Variants in ZNF717 observed in about 807,000 individuals in gnomAD.
ZNF717 encodes zinc finger protein 717.
ZNF717 carries 9 observed loss-of-function variants against 13.8 expected under a neutral mutation model. That is an observed-to-expected ratio of 0.65 (90% confidence interval 0.39 to 1.14). ZNF717 has a LOEUF of 1.14. Among genes scored for constraint, ZNF717 ranks in the 50% most tolerant of loss-of-function variants. The pLI, the probability that ZNF717 is intolerant of heterozygous loss-of-function variation, is 0.01. For missense variants in ZNF717, 1,040 were observed against 1,080.7 expected (o/e 0.96, Z 0.53); for synonymous variants, 327 against 364.1 (o/e 0.90, Z 1.16).
Position 75,720,713 on chromosome 3 carries a change from T to G in ZNF717, n.545-4172A>C, listed in dbSNP as rs1211434172. On this transcript the variant is annotated intron_variant and non_coding_transcript_variant, in intron 4 of 5. Coordinates refer to the ZNF717 transcript ENST00000491507. ...AAAATAATTATTAAGTTGGGCACAG[T>G]GGCTCATATTTGTAAACCCAGTGCT... Among the ~76,000 whole-genome samples, 7 of 152,358 alleles carry G rather than the reference T, an allele frequency of 4.6e-5. No homozygotes were observed. In the East Asian group the frequency reaches 1.3e-3, roughly 29 times the overall value.
At chr3:75,730,370 G>T in exon 6 of ZNF717, 1 of 387,854 alleles carries the variant, frequency 2.6e-6, no homozygotes, top group Non-Finnish European at 4.6e-6. Flanking sequence ...AAAAAAAGTA[G>T]AAACAGGATT....
chr3:75,730,331 T>C lies in ZNF717; in HGVS notation c.*282A>G, dbSNP rs1320441829. 7.2e-4 allele frequency: 216 copies of C among 298,940 alleles called. 1 individual carries two copies. Among genetic ancestry groups the C allele is most frequent in the African/African-American group, 4.5e-3 (200 of 44,356 alleles). The allele number at this position is 298,940 out of a possible 1,614,324, so 18.5% of individuals were successfully genotyped here. A position where few individuals can be genotyped will look rare whatever the true frequency, so the allele number is the denominator to read the frequency against. On this transcript the variant is annotated 3_prime_UTR_variant, in exon 6 of 6. Coordinates refer to the ZNF717 transcript ENST00000477374. ...ACATCAGGAGATGGAGCAGTGAGAA[T>C]ACAGAATAGGGAAGCAATAGTTAAA... is the stretch of plus-strand genomic sequence containing the variant.
At chr3:75,719,311 A>G (rs1327094037) in intron 4 of ZNF717, among the ~76,000 whole-genome samples, 1 of 152,054 alleles carries the variant, frequency 6.6e-6, no homozygotes, top group African/African-American at 2.4e-5. Context: ...ATATTAAAAC[A>G]GATACTGTGG....
At chr3:75,783,182 T>G (rs1409760955) in intron 2 of ZNF717, 124 bp downstream of exon 2, 2 of 758,412 alleles carry the variant, frequency 2.6e-6, no homozygotes, top group Non-Finnish European at 4.5e-6. Flanking sequence ...AGCTTTATCT[T>G]ATTTATGTAT....
At chr3:75,753,964 AG>A in intron 2 of ZNF717, among the ~76,000 whole-genome samples, 1 of 151,764 alleles carries the variant, frequency 6.6e-6, no homozygotes, top group Non-Finnish European at 1.5e-5. Flanking sequence ...CACGGCTACG[AG>A]GGTCTGAATG....
intron 2 of ZNF717, among the ~76,000 whole-genome samples, chr3:75,743,486 G>T (rs75406333): frequency 1.4e-5 from 2 of 139,670 alleles, no homozygotes; most frequent in Admixed American, 1.5e-4. Flanking sequence ...TCCACCCAGG[G>T]TGAACACAGC....
chr3:75,782,154 TCA>T (rs1166277319), intron 2 of ZNF717, among the ~76,000 whole-genome samples: 2 of 152,020 alleles, frequency 1.3e-5, no homozygotes, highest in East Asian at 1.9e-4. Context: ...AGTAAGGCAA[TCA>T]CAGTCCCCCT....
At chr3:75,776,007 T>G (rs1248192275) in intron 2 of ZNF717, among the ~76,000 whole-genome samples, 2 of 152,282 alleles carry the variant, frequency 1.3e-5, no homozygotes, top group Non-Finnish European at 2.9e-5. Context: ...AGACATATAA[T>G]TTAAATAAAC....
intron 2 of ZNF717, among the ~76,000 whole-genome samples, chr3:75,749,720 G>T (rs1280955980): frequency 6.6e-6 from 1 of 151,394 alleles, no homozygotes; most frequent in African/African-American, 2.4e-5. Context: ...ACACTGCCAT[G>T]AGGGCCTGAA....
intron 3 of ZNF717, 80 bp from the exon 4 acceptor site, chr3:75,741,448 G>A (rs2107189341): frequency 7.3e-7 from 1 of 1,378,350 alleles, no homozygotes; most frequent in South Asian, 1.2e-5. Flanking sequence ...TGGGCTTCAG[G>A]GACTGTGCAA....
At chr3:75,717,993 C>A in intron 4 of ZNF717, among the ~76,000 whole-genome samples, 1 of 152,126 alleles carries the variant, frequency 6.6e-6, no homozygotes, top group Non-Finnish European at 1.5e-5. Context: ...AGACTGGAAG[C>A]ATTGGTCAAG....
intron 4 of ZNF717, among the ~76,000 whole-genome samples, chr3:75,739,801 T>C (rs1214722904): frequency 1.2e-4 from 18 of 152,250 alleles, no homozygotes; most frequent in Admixed American, 1.1e-3. Flanking sequence ...GATGGCCATT[T>C]TTCTGTCTCC....
In ZNF717 at chr3:75,757,117, G is replaced by A. The variant is rs377757403; in HGVS notation, c.58-15381C>T. 3.1e-5 allele frequency among the ~76,000 whole-genome samples: 4 copies of A among 129,990 alleles called. No individual in the cohort carries two copies. In the East Asian group the frequency reaches 9.0e-4, roughly 29 times the overall value. The allele number at this position is 129,990 out of a possible 152,430, so 85.3% of individuals were successfully genotyped here. On this transcript the variant is annotated intron_variant, in intron 2 of 4. Transcript: ENST00000652011. Reference sequence around the variant, plus strand: ...AGTGCAAGATAAAGCAGCAAGTACTGATGGAAAAGCTGCAGAAAGCTATCT... The same window carrying A: ...AGTGCAAGATAAAGCAGCAAGTACTAATGGAAAAGCTGCAGAAAGCTATCT...
chr3:75,756,734 G>A (rs2107506593), intron 2 of ZNF717, among the ~76,000 whole-genome samples: 1 of 152,200 alleles, frequency 6.6e-6, no homozygotes, highest in Non-Finnish European at 1.5e-5. Flanking sequence ...GAGTGCAATG[G>A]CGCGATCTCG....
At chr3:75,697,236 T>G (rs1263409478) in intron 6 of ZNF717, among the ~76,000 whole-genome samples, 1 of 91,238 alleles carries the variant, frequency 1.1e-5, no homozygotes, top group Non-Finnish European at 2.5e-5. Context: ...GAAGTCAAAT[T>G]ATCTTTTTTT....
At chr3:75,758,112 C>CAAA (rs111361124) in intron 2 of ZNF717, among the ~76,000 whole-genome samples, 75 of 64,416 alleles carry the variant, frequency 1.2e-3, no homozygotes, top group Non-Finnish European at 1.4e-3. Context: ...GACTCCATCT[C>CAAA]AAAAAAAAAA....
At chr3:75,711,430 AAC>A (rs1937935140) in intron 5 of ZNF717, 1 of 144,070 alleles carries the variant, frequency 6.9e-6, no homozygotes, top group Admixed American at 7.1e-5. Context: ...AATCTTGATT[AAC>A]AGTTTTATAA....
intron 2 of ZNF717, among the ~76,000 whole-genome samples, chr3:75,760,281 T>A (rs954901844): frequency 6.6e-6 from 1 of 152,214 alleles, no homozygotes; most frequent in Non-Finnish European, 1.5e-5. Flanking sequence ...TGACCTCAGA[T>A]GATCCGCCCG....
rs1324861538 is a variant in ZNF717 at position 75,737,330 on chromosome 3, T to C, written c.2293A>G (p.Lys765Glu). The C allele has an allele frequency of 6.4e-7, 1 of 1,552,528 alleles. No individual in the cohort carries two copies. Among genetic ancestry groups the C allele is most frequent in the Non-Finnish European group, 8.7e-7 (1 of 1,147,618 alleles). ...AGGTTTGACTTGTGACAAAAGGTTTTCCCACACTCATTACATTCATAAGGT... is the reference window on the plus strand; with the variant it reads ...AGGTTTGACTTGTGACAAAAGGTTTCCCCACACTCATTACATTCATAAGGT... ...EKPYECNECG[K>E]TFCHKSNLST... Residue 765 changes from lysine (K) to glutamate (E), a missense_variant, in exon 5 of 5, where the codon AAA (lysine) becomes GAA (glutamate). By Grantham distance (56) the Lys-to-Glu change is moderately conservative. Transcript: ENST00000652011.
Sources: gnomAD v4.1 joint callset for allele counts (sites outside exome capture counted in the v4.1 genomes callset) on GRCh38, gnomAD v4.1.1 for gene constraint, MANE v1.5 for transcripts, NCBI Gene and HGNC (gene_info 2026-07-23, HGNC 2026-07-21) for gene names.